The following CNOT4 variants were observed in gnomAD, a reference collection of about 807,000 sequenced individuals.
CNOT4 encodes the protein CCR4-associated factor 4.
A neutral mutation model predicts 73.8 loss-of-function variants in CNOT4; 8 were observed. That is an observed-to-expected ratio of 0.11 (90% CI 0.06 to 0.20). The LOEUF is 0.20. CNOT4 is among the 10% of genes least tolerant of loss of function. The probability of loss-of-function intolerance (pLI) is 1.00; values close to 1 mark genes in which losing one functional copy is unlikely to be tolerated. For synonymous variants in CNOT4, 293 were observed against 321.1 expected (o/e 0.91, Z 0.94); for missense variants, 564 against 883.4 (o/e 0.64, Z 4.58).
intron 1 of CNOT4, among the ~76,000 whole-genome samples, chr7:135,468,099 C>G (rs544347494): frequency 2.9e-4 from 44 of 152,054 alleles, no homozygotes; most frequent in African/African-American, 1.0e-3. Flanking sequence ...GCCTGTAGTC[C>G]CAGCTACTTG....
chr7:135,414,038 C>T (rs1563034634), intron 5 of CNOT4, among the ~76,000 whole-genome samples: 2 of 151,910 alleles, frequency 1.3e-5, no homozygotes, highest in African/African-American at 2.4e-5. Flanking sequence ...TTAAGGACTA[C>T]CTATTTCTGA....
chr7:135,374,046 C>T (rs1003174799), intron 10 of CNOT4, among the ~76,000 whole-genome samples: 3 of 152,176 alleles, frequency 2.0e-5, no homozygotes, highest in Non-Finnish European at 4.4e-5. Flanking sequence ...CTTGATTCCA[C>T]CTAAAATATA....
At chr7:135,495,706 GAAAGA>G (rs1803500710) in intron 1 of CNOT4, among the ~76,000 whole-genome samples, 1 of 34,700 alleles carries the variant, frequency 2.9e-5, no homozygotes, top group African/African-American at 6.9e-5. Context: ...AAGAAAGAAA[GAAAGA>G]AAGAAAGAAA....
At chr7:135,445,236 A>G (rs1265306025) in intron 1 of CNOT4, among the ~76,000 whole-genome samples, 4 of 152,204 alleles carry the variant, frequency 2.6e-5, no homozygotes, top group East Asian at 1.9e-4. Context: ...TAATTTATCA[A>G]TCTCTTAAAG....
At chr7:135,416,395 TTA>T (rs1797873432) in intron 3 of CNOT4, among the ~76,000 whole-genome samples, 1 of 152,116 alleles carries the variant, frequency 6.6e-6, no homozygotes, top group South Asian at 2.1e-4. Context: ...AAGGTAACTG[TTA>T]TGTTTGCTGT....
chr7:135,504,311 T>C (rs1804191329), intron 1 of CNOT4, among the ~76,000 whole-genome samples: 1 of 151,560 alleles, frequency 6.6e-6, no homozygotes, highest in Non-Finnish European at 1.5e-5. Context: ...TTTTTTTTTT[T>C]TGGAGACAAA....
chr7:135,437,199 CTTTT>C (rs900716907), intron 2 of CNOT4, among the ~76,000 whole-genome samples: 5 of 144,818 alleles, frequency 3.5e-5, no homozygotes, highest in Non-Finnish European at 6.2e-5. Flanking sequence ...CTTTTCTTTT[CTTTT>C]TTTTGAGACG....
intron 10 of CNOT4, among the ~76,000 whole-genome samples, chr7:135,365,535 C>T (rs1794869988): frequency 6.6e-6 from 1 of 151,932 alleles, no homozygotes; most frequent in South Asian, 2.1e-4. Context: ...GATAAAGAAA[C>T]AGACTCAGGA....
chr7:135,369,947 C>T (rs1270666322), intron 10 of CNOT4, among the ~76,000 whole-genome samples: 4 of 152,176 alleles, frequency 2.6e-5, no homozygotes, highest in African/African-American at 9.7e-5. Flanking sequence ...AGAAAGCCTT[C>T]ATAATATAAG....
At chr7:135,446,423 A>C (rs1563055589) in intron 1 of CNOT4, among the ~76,000 whole-genome samples, 1 of 152,208 alleles carries the variant, frequency 6.6e-6, no homozygotes, top group East Asian at 1.9e-4. Flanking sequence ...AATATGTTAC[A>C]TATATTTTGC....
chr7:135,501,045 G>A (rs1803931029), intron 1 of CNOT4, among the ~76,000 whole-genome samples: 1 of 148,034 alleles, frequency 6.8e-6, no homozygotes, highest in African/African-American at 2.5e-5. Context: ...GTGCAGTGGT[G>A]CCATCTTGGC....
At chr7:135,496,261 T>C (rs1803575422) in intron 1 of CNOT4, among the ~76,000 whole-genome samples, 1 of 152,048 alleles carries the variant, frequency 6.6e-6, no homozygotes, top group African/African-American at 2.4e-5. Flanking sequence ...CCCAACTAAT[T>C]TCAGTATTTT....
intron 1 of CNOT4, among the ~76,000 whole-genome samples, chr7:135,450,833 A>C (rs892444132): frequency 6.6e-6 from 1 of 152,084 alleles, no homozygotes; most frequent in Admixed American, 6.6e-5. Context: ...CAACTTAAAG[A>C]GTAACATGAA....
intron 1 of CNOT4, among the ~76,000 whole-genome samples, chr7:135,507,154 A>C (rs1187820012): frequency 1.3e-5 from 2 of 152,194 alleles, no homozygotes; most frequent in Non-Finnish European, 2.9e-5. Flanking sequence ...TCCCATTTAG[A>C]CTCAAGTTGA....
chr7:135,365,555 C>G (rs553768915), intron 10 of CNOT4, among the ~76,000 whole-genome samples: 61 of 151,986 alleles, frequency 4.0e-4, no homozygotes, highest in Middle Eastern at 6.8e-3. Flanking sequence ...AATAATTTCC[C>G]CAAGTTCACA....
chr7:135,453,289 T>C lies in CNOT4; in HGVS notation c.-92-14866A>G, dbSNP rs111946295. 2.6e-5 allele frequency among the ~76,000 whole-genome samples: 4 copies of C among 152,314 alleles called. 1 individual carries two copies. The highest frequency in any genetic ancestry group is 9.6e-5 in the African/African-American group (4 of 41,568). On this transcript the variant is annotated intron_variant, in intron 1 of 11. Coordinates refer to ENST00000541284, the MANE Select transcript of CNOT4 (RefSeq NM_001190850.2). ...AGACCCAGTCTTAGCCAGTGAATTTTTTTTTAAGCTCATGTTTATTAGCCT... is the reference window on the plus strand; with the variant it reads ...AGACCCAGTCTTAGCCAGTGAATTTCTTTTTAAGCTCATGTTTATTAGCCT...
chr7:135,487,781 C>T lies in CNOT4; in HGVS notation c.-93+22108G>A, dbSNP rs78726184. Among the ~76,000 whole-genome samples the T allele has an allele frequency of 2.2e-4, 34 of 152,302 alleles. No homozygotes were observed. In the East Asian group the frequency reaches 6.4e-3, roughly 29 times the overall value. ...ACTTTTCGAGCACAGAGGCCAGGCACGGTGGCTTACGCCTGTGGTCCCAGC... is the reference window on the plus strand; with the variant it reads ...ACTTTTCGAGCACAGAGGCCAGGCATGGTGGCTTACGCCTGTGGTCCCAGC... On this transcript the variant is annotated intron_variant, in intron 1 of 11. Transcript: ENST00000541284.
chr7:135,493,553 T>C (rs1803255452), intron 1 of CNOT4, among the ~76,000 whole-genome samples: 1 of 152,188 alleles, frequency 6.6e-6, no homozygotes. Context: ...AATGGCAAGA[T>C]TTCAAGAGTT....
chr7:135,495,282 A>C (rs924511508), intron 1 of CNOT4, among the ~76,000 whole-genome samples: 8 of 152,152 alleles, frequency 5.3e-5, no homozygotes, highest in African/African-American at 1.9e-4. Flanking sequence ...AGGCGGGTAG[A>C]TTACCTGAGG....
Sources: gnomAD v4.1 joint callset for allele counts (sites outside exome capture counted in the v4.1 genomes callset) on GRCh38, gnomAD v4.1.1 for gene constraint, MANE v1.5 for transcripts, NCBI Gene and HGNC (gene_info 2026-07-23, HGNC 2026-07-21) for gene names.